The following POSTN variants were observed in gnomAD, a reference collection of about 807,000 sequenced individuals.
The protein encoded by POSTN is periostin.
A neutral mutation model predicts 104.5 loss-of-function variants in POSTN; 71 were observed. That is an observed-to-expected ratio of 0.68 (90% confidence interval 0.56 to 0.83). The LOEUF is 0.83. Ranked by LOEUF, POSTN falls within the 40% of genes least tolerant of loss-of-function variation. POSTN has a pLI of 0.00. For missense variants in POSTN, 949 were observed against 1,006.8 expected, an observed-to-expected ratio of 0.94 and a Z score of 0.78; for synonymous variants, 355 against 340.7, an observed-to-expected ratio of 1.04 and a Z score of -0.46.
chr13:37,579,316 T>C lies in POSTN; in HGVS notation c.1704A>G (p.Thr568=). ...ATCCTTTTCCAATGAAAACTCCTGG[T>C]GTCAGGTGATAAAGAATGATGTTTT... is the stretch of plus-strand genomic sequence containing the variant. ...ALQNIILYHL[T]PGVFIGKGFE... Residue 568 remains threonine, a synonymous_variant, in exon 13 of 23, where the codon ACA becomes ACG. Transcript: ENST00000379747. 1 of 1,596,396 alleles carries C rather than the reference T, an allele frequency of 6.3e-7. No homozygotes were observed. The highest frequency in any genetic ancestry group is 8.6e-7 in the Non-Finnish European group (1 of 1,164,036).
intron 16 of POSTN, 97 bp from the exon 17 acceptor site, chr13:37,574,749 A>G (rs532473737): frequency 7.1e-7 from 1 of 1,407,260 alleles, no homozygotes; most frequent in Non-Finnish European, 9.3e-7. Flanking sequence ...TCTGTAGGAT[A>G]CTAAGGCACA....
intron 21 of POSTN, chr13:37,569,023 A>C (rs533675181): frequency 4.3e-6 from 1 of 230,028 alleles, no homozygotes; most frequent in Non-Finnish European, 8.4e-6. Flanking sequence ...TTGCATACTT[A>C]AAAGGCCCTT....
At chr13:37,576,454 G>T (rs1235135080) in intron 16 of POSTN, among the ~76,000 whole-genome samples, 1 of 152,044 alleles carries the variant, frequency 6.6e-6, no homozygotes, top group Non-Finnish European at 1.5e-5. Context: ...TGTAGCTTAT[G>T]CTCTGTGAGT....
chr13:37,597,037 CG>C, intron 2 of POSTN, 146 bp downstream of exon 2: 1 of 505,656 alleles, frequency 2.0e-6, no homozygotes, highest in Non-Finnish European at 3.4e-6. Flanking sequence ...TCTTTATTCA[CG>C]TATGTATTCC....
At chr13:37,565,862 C>G (rs535889692) in intron 21 of POSTN, among the ~76,000 whole-genome samples, 5 of 152,074 alleles carry the variant, frequency 3.3e-5, no homozygotes, top group Admixed American at 2.6e-4. Flanking sequence ...ATAATGGCTT[C>G]TAAAAAATTG....
intron 10 of POSTN, among the ~76,000 whole-genome samples, chr13:37,581,428 T>C (rs1051349263): frequency 6.6e-6 from 1 of 152,116 alleles, no homozygotes; most frequent in Admixed American, 6.5e-5. Flanking sequence ...TGCAGCAAAA[T>C]GTATGTTAGG....
chr13:37,571,551 C>G, intron 17 of POSTN, 93 bp from the exon 18 acceptor site: 2 of 912,036 alleles, frequency 2.2e-6, no homozygotes, highest in Non-Finnish European at 3.4e-6. Context: ...CGGTGTGACT[C>G]AACTCAAATG....
chr13:37,569,483 C>A (rs772148330), intron 20 of POSTN, 100 bp from the exon 21 acceptor site: 1 of 972,752 alleles, frequency 1.0e-6, no homozygotes, highest in Non-Finnish European at 1.6e-6. Flanking sequence ...ATAATGAATT[C>A]CAGCCCAACA....
chr13:37,587,466 A>T (rs2138334781), intron 5 of POSTN, among the ~76,000 whole-genome samples: 1 of 152,282 alleles, frequency 6.6e-6, no homozygotes, highest in Non-Finnish European at 1.5e-5. Flanking sequence ...ACACACAAGT[A>T]CTTCAGTTAG....
intron 15 of POSTN, among the ~76,000 whole-genome samples, chr13:37,578,580 G>A (rs1027797959): frequency 8.5e-5 from 13 of 152,056 alleles, no homozygotes; most frequent in African/African-American, 2.9e-4. Flanking sequence ...GGTGGATCAC[G>A]AGGTCAGGAG....
At chr13:37,598,379 T>C (rs1160049086) in intron 1 of POSTN, among the ~76,000 whole-genome samples, 2 of 152,132 alleles carry the variant, frequency 1.3e-5, no homozygotes, top group African/African-American at 4.8e-5. Flanking sequence ...TATATAACAT[T>C]TCATAAGAAA....
chr13:37,595,047 A>ATTT (rs34055085), intron 2 of POSTN, among the ~76,000 whole-genome samples: 17 of 144,404 alleles, frequency 1.2e-4, no homozygotes, highest in African/African-American at 4.0e-4. Flanking sequence ...CAAAGTAGTG[A>ATTT]TTTTTTTTTT....
At chr13:37,565,554 T>C (rs577327849) in intron 21 of POSTN, 1 of 152,098 alleles carries the variant, frequency 6.6e-6, no homozygotes, top group Non-Finnish European at 1.5e-5. Context: ...TTTGGCTATA[T>C]GACACCAAGC....
At chr13:37,593,954 G>A (rs1566036918) in intron 2 of POSTN, among the ~76,000 whole-genome samples, 1 of 151,622 alleles carries the variant, frequency 6.6e-6, no homozygotes, top group Non-Finnish European at 1.5e-5. Context: ...AAGAATAATA[G>A]ATAGCTAAAA....
chr13:37,569,614 G>T, intron 20 of POSTN, 130 bp downstream of exon 20: 1 of 874,496 alleles, frequency 1.1e-6, no homozygotes, highest in Non-Finnish European at 1.9e-6. Flanking sequence ...TTATTCTTGT[G>T]CTTTTTTCTT....
chr13:37,572,283 A>G (rs867973708), intron 17 of POSTN, among the ~76,000 whole-genome samples: 20 of 150,116 alleles, frequency 1.3e-4, no homozygotes, highest in Middle Eastern at 3.4e-3. Flanking sequence ...CTTTGAGAGC[A>G]TTTTTTTTTG....
intron 2 of POSTN, among the ~76,000 whole-genome samples, chr13:37,594,499 A>G (rs1951030147): frequency 7.3e-6 from 1 of 136,990 alleles, no homozygotes; most frequent in Non-Finnish European, 1.6e-5. Context: ...CAATGTTCCC[A>G]TATGGTCAGT....
intron 21 of POSTN, among the ~76,000 whole-genome samples, chr13:37,566,867 A>G (rs1007124608): frequency 6.6e-6 from 1 of 152,150 alleles, no homozygotes; most frequent in African/African-American, 2.4e-5. Context: ...ATCAGTACTC[A>G]AAGTACCAGT....
At chr13:37,567,381 A>G (rs376822845) in intron 21 of POSTN, among the ~76,000 whole-genome samples, 1 of 152,162 alleles carries the variant, frequency 6.6e-6, no homozygotes, top group African/African-American at 2.4e-5. Context: ...TGGAAAAAAA[A>G]AAAGTCTTAC....
Sources: gnomAD v4.1 joint callset for allele counts (sites outside exome capture counted in the v4.1 genomes callset) on GRCh38, gnomAD v4.1.1 for gene constraint, MANE v1.5 for transcripts, NCBI Gene and HGNC (gene_info 2026-07-23, HGNC 2026-07-21) for gene names.